Variants in CRAMP1 observed in about 807,000 individuals in gnomAD.
The protein encoded by CRAMP1 is cramped chromatin regulator 1, also known as protein cramped-like.
A neutral mutation model predicts 115.4 loss-of-function variants in CRAMP1; 50 were observed. The ratio of observed to expected loss-of-function variants is 0.43; its 90% CI spans 0.35 to 0.55. The LOEUF (loss-of-function observed/expected upper bound fraction) is 0.55. Ranked by LOEUF, CRAMP1 falls within the 20% of genes least tolerant of loss-of-function variation. The pLI is 0.01. For missense variants in CRAMP1, 1,679 were observed against 1,721.7 expected, an observed-to-expected ratio of 0.98 and a Z score of 0.44; for synonymous variants, 866 against 745.4, an observed-to-expected ratio of 1.16 and a Z score of -2.64.
intron 3 of CRAMP1, among the ~76,000 whole-genome samples, chr16:1,627,221 C>T (rs1263998807): frequency 6.6e-6 from 1 of 151,950 alleles, no homozygotes; most frequent in Non-Finnish European, 1.5e-5. Flanking sequence ...TCTGGGCTCA[C>T]TGCAACCCCC....
intron 8 of CRAMP1, among the ~76,000 whole-genome samples, chr16:1,653,923 C>T (rs1446948220): frequency 5.9e-5 from 9 of 151,566 alleles, no homozygotes; most frequent in Non-Finnish European, 1.2e-4. Flanking sequence ...AGGTGGATCA[C>T]GAGGTTAGGA....
chr16:1,655,079 C>T (rs1036691361), intron 8 of CRAMP1, 140 bp from the exon 9 acceptor site: 7 of 680,186 alleles, frequency 1.0e-5, no homozygotes, highest in Admixed American at 9.6e-5. Flanking sequence ...AAGGGCCCTG[C>T]AGACGCCCGC....
At chr16:1,658,981 A>G (rs2036800257) in intron 10 of CRAMP1, among the ~76,000 whole-genome samples, 1 of 152,090 alleles carries the variant, frequency 6.6e-6, no homozygotes, top group Non-Finnish European at 1.5e-5. Flanking sequence ...TGAGCCAGAC[A>G]GGGACCCCAG....
chr16:1,655,323 A>G (rs1278443890), intron 9 of CRAMP1, 23 bp downstream of exon 9: 2 of 1,601,366 alleles, frequency 1.2e-6, no homozygotes, highest in Non-Finnish European at 1.7e-6. Flanking sequence ...AGCTAAAGCA[A>G]ACCATCCAGG....
rs375137924 is a variant in CRAMP1, at chr16:1,656,156, G to C, written c.1399G>C (p.Gly467Arg). ...GGGCCAGGTGAAATGCCCGCGGAGC[G>C]GAGCTGAGGGCAAGGGTGTGGGGCG... Reference protein sequence around the residue: ...ARGQVKCPRSGAEGKGVGRPP... With the variant: ...ARGQVKCPRSRAEGKGVGRPP... The change falls in exon 10 of 21, where the codon GGA (glycine) becomes CGA (arginine). Residue 467 changes from glycine to arginine, a missense_variant. Transcript: ENST00000397412. The surrounding 1 kb of genome is among the most constrained non-coding windows in gnomAD (Gnocchi z 5.6). 6.2e-7 allele frequency: 1 copy of C among 1,606,952 alleles called. No homozygotes were observed.
In CRAMP1 at chr16:1,665,119, G is replaced by T. The variant is rs370547778; in HGVS notation, c.2733G>T (p.Leu911=). Reference sequence around the variant, plus strand: ...ACAACGTTTGTTCCTTCTCCATCCTGTCTAACTCTTCCGTAACTGGTAAGG... The same window carrying T: ...ACAACGTTTGTTCCTTCTCCATCCTTTCTAACTCTTCCGTAACTGGTAAGG... ...QSHNVCSFSI[L]SNSSVTGRGS... Residue 911 remains leucine, a synonymous_variant, in exon 14 of 21, where the codon CTG becomes CTT. Coordinates refer to ENST00000397412, the MANE Select transcript of CRAMP1 (RefSeq NM_020825.4). The T allele has an allele frequency of 6.2e-7, 1 of 1,612,102 alleles. No homozygotes were observed. Among genetic ancestry groups the T allele is most frequent in the South Asian group, 1.1e-5 (1 of 91,034 alleles).
chr16:1,640,806 AGGGATGAGTGGAAGGCCG>A (rs1314424442), intron 5 of CRAMP1, among the ~76,000 whole-genome samples: 1 of 152,174 alleles, frequency 6.6e-6, no homozygotes, highest in Non-Finnish European at 1.5e-5. Flanking sequence ...CCAGGCAGAT[AGGGATGAGTGGAAGGCCG>A]GCGCTGGGGG....
At chr16:1,632,979 C>T (rs1297655016) in intron 4 of CRAMP1, among the ~76,000 whole-genome samples, 2 of 152,202 alleles carry the variant, frequency 1.3e-5, no homozygotes, top group South Asian at 2.1e-4. Context: ...ATGAGAACTA[C>T]CTCTCCAGCA....
rs954177314 is a variant in CRAMP1 at position 1,671,514 on chromosome 16, C to T, written c.3645+705C>T. 4.6e-5 allele frequency among the ~76,000 whole-genome samples: 7 copies of T among 152,152 alleles called. No individual in the cohort carries two copies. Among genetic ancestry groups the T allele is most frequent in the African/African-American group, 1.4e-4 (6 of 41,434 alleles). Reference sequence around the variant, plus strand: ...CAGGCTTGCAGGGTGAAGACAGGCCCGTTTCACTGTGACGTAAAGTGCAGA... The same window carrying T: ...CAGGCTTGCAGGGTGAAGACAGGCCTGTTTCACTGTGACGTAAAGTGCAGA... On this transcript the variant is annotated intron_variant, in intron 20 of 20. Transcript: ENST00000397412. This position sits in a 1 kb window ranked among gnomAD's most constrained non-coding sequence, Gnocchi z 5.0.
At chr16:1,640,495 G>C (rs2036623001) in intron 5 of CRAMP1, among the ~76,000 whole-genome samples, 1 of 152,192 alleles carries the variant, frequency 6.6e-6, no homozygotes, top group South Asian at 2.1e-4. Flanking sequence ...AAAACATGCA[G>C]AAGAATTCAA....
At chr16:1,625,676 T>C (rs933260031) in intron 2 of CRAMP1, 3 of 259,626 alleles carry the variant, frequency 1.2e-5, no homozygotes, top group East Asian at 8.1e-5. Flanking sequence ...CTGTCTCCAT[T>C]GTGGACAGGG....
intron 18 of CRAMP1, 61 bp downstream of exon 18, chr16:1,668,254 G>A (rs2036893469): frequency 1.7e-6 from 2 of 1,204,014 alleles, no homozygotes; most frequent in African/African-American, 3.0e-5. Flanking sequence ...CTGCCCCAAT[G>A]TTTGCCACAC....
At chr16:1,632,576 G>A (rs906775306) in intron 4 of CRAMP1, among the ~76,000 whole-genome samples, 1 of 152,260 alleles carries the variant, frequency 6.6e-6, no homozygotes, top group Admixed American at 6.5e-5. Flanking sequence ...CGTATCCCAT[G>A]CTCCAGGGTT....
In CRAMP1 at chr16:1,669,781, C is replaced by T. The variant is rs1199205859; in HGVS notation, c.3499+616C>T. Among the ~76,000 whole-genome samples, 6 of 152,182 alleles carry T rather than the reference C, an allele frequency of 3.9e-5. No homozygotes were observed. Among genetic ancestry groups the T allele is most frequent in the African/African-American group, 1.2e-4 (5 of 41,444 alleles). On this transcript the variant is annotated intron_variant, in intron 19 of 20. Transcript: ENST00000397412. The surrounding 1 kb of genome is among the most constrained non-coding windows in gnomAD (Gnocchi z 4.6). ...CCCATTTGGATGTCTGGGGTCTTCC[C>T]GCCCACAGTTGTACGGGGCCAGGGC... is the stretch of plus-strand genomic sequence containing the variant.
In CRAMP1 at chr16:1,668,149, T is replaced by TA. The variant is rs2036892394; in HGVS notation, c.3290_3291insA (p.Ser1098Ter). 6.2e-7 allele frequency: 1 copy of TA among 1,613,572 alleles called. No homozygotes were observed. The highest frequency in any genetic ancestry group is 2.2e-5 in the East Asian group (1 of 44,900). ...TCACAGGGCGAGCCTGCCACACACA[T>TA]TAGCGACTCCATCATTGAGATCGCC... is the stretch of plus-strand genomic sequence containing the variant. On this transcript the variant is annotated frameshift_variant, in exon 18 of 21. Coordinates refer to ENST00000397412, the MANE Select transcript of CRAMP1 (RefSeq NM_020825.4). LOFTEE classifies it high-confidence loss of function.
Position 1,662,685 on chromosome 16 carries a change from G to A in CRAMP1, c.2595+14G>A. ...AACTCCATCAGTGTGAGTGTGTGGG[G>A]CCGGGCCGCCCGCGTGCGAGCGTCC... On this transcript the variant is annotated intron_variant, in intron 12 of 20. Coordinates refer to ENST00000397412, the MANE Select transcript of CRAMP1 (RefSeq NM_020825.4). 1 of 1,613,890 alleles carries A rather than the reference G, an allele frequency of 6.2e-7. No homozygotes were observed. Among genetic ancestry groups the A allele is most frequent in the Non-Finnish European group, 8.5e-7 (1 of 1,179,848 alleles).
At chr16:1,655,852 T>C in intron 9 of CRAMP1, 25 bp from the exon 10 acceptor site, 1 of 1,589,374 alleles carries the variant, frequency 6.3e-7, no homozygotes, top group East Asian at 2.2e-5. Flanking sequence ...CTAGCCAGTG[T>C]GGGCCTTCCT....
At chr16:1,630,864 C>G (rs998498300) in intron 3 of CRAMP1, among the ~76,000 whole-genome samples, 1 of 152,242 alleles carries the variant, frequency 6.6e-6, no homozygotes, top group African/African-American at 2.4e-5. Flanking sequence ...GTCAAGAATT[C>G]CACAGCAGTG....
chr16:1,668,183 C>T lies in CRAMP1; in HGVS notation c.3324C>T (p.Ser1108=), dbSNP rs751692970. The T allele has an allele frequency of 4.4e-5, 71 of 1,612,738 alleles. No individual in the cohort carries two copies. Among genetic ancestry groups the T allele is most frequent in the African/African-American group, 5.3e-5 (4 of 74,926 alleles). The change falls in exon 18 of 21, where the codon TCC becomes TCT. Residue 1108 remains serine, a synonymous_variant. Transcript: ENST00000397412. ...CCATCATTGAGATCGCCATCAGCTC[C>T]GGTCAGTACGGTAAGGGCAGGGCGG... The part of the protein sequence containing the change: ...SDSIIEIAIS[S]GQYGEGVPLS...
Sources: allele counts gnomAD v4.1 joint callset (sites outside exome capture counted in the v4.1 genomes callset), GRCh38; gene constraint gnomAD v4.1.1; non-coding constraint Gnocchi (gnomAD v3.1); transcripts MANE v1.5; gene names NCBI Gene and HGNC (gene_info 2026-07-23, HGNC 2026-07-21).